EIF4G3: variants seen among roughly 807,000 people sequenced by gnomAD.
EIF4G3 encodes the protein eukaryotic translation initiation factor 4 gamma 3.
A neutral mutation model predicts 186.4 loss-of-function variants in EIF4G3; 34 were observed. That is an observed-to-expected ratio of 0.18 (90% CI 0.14 to 0.24). The LOEUF (loss-of-function observed/expected upper bound fraction) is 0.24, where lower values mean the gene tolerates loss of function less well. Among genes scored for constraint, EIF4G3 ranks in the 10% least tolerant of loss-of-function variants. The pLI is 1.00. For missense variants in EIF4G3, 1,536 were observed against 1,948.5 expected, an observed-to-expected ratio of 0.79 and a Z score of 3.99; for synonymous variants, 673 against 679.5, an observed-to-expected ratio of 0.99 and a Z score of 0.15.
At chr1:21,016,174 T>C (rs1452467627) in intron 4 of EIF4G3, among the ~76,000 whole-genome samples, 1 of 152,148 alleles carries the variant, frequency 6.6e-6, no homozygotes, top group Non-Finnish European at 1.5e-5. Context: ...TGAAAAGAAG[T>C]ACGGTTTTTG....
chr1:21,121,787 A>C (rs1445093913), intron 2 of EIF4G3, among the ~76,000 whole-genome samples: 2 of 152,042 alleles, frequency 1.3e-5, no homozygotes, highest in African/African-American at 4.8e-5. Flanking sequence ...AAAAAAAAAA[A>C]AAACTAATCC....
At chr1:20,928,006 C>T (rs148572064) in intron 14 of EIF4G3, among the ~76,000 whole-genome samples, 2 of 152,196 alleles carry the variant, frequency 1.3e-5, no homozygotes, top group African/African-American at 4.8e-5. Flanking sequence ...TACAAGCACA[C>T]ACCACCATGC....
rs1402559732 is a variant in EIF4G3, at chr1:21,089,145, T to C, written c.-203A>G. The C allele has an allele frequency of 7.0e-6, 5 of 717,236 alleles. No individual in the cohort carries two copies. The highest frequency in any genetic ancestry group is 3.5e-5 in the African/African-American group (2 of 57,226). The allele number at this position is 717,236 out of a possible 1,614,324, so 44.4% of individuals were successfully genotyped here. On this transcript the variant is annotated 5_prime_UTR_variant, in exon 3 of 37. Coordinates refer to ENST00000602326, the MANE Select transcript of EIF4G3 (RefSeq NM_001391906.1). ...CAACCTTCAGACACTCACCGTGCTG[T>C]AGACTGCTGAGACAGCGGGAGTGAA...
chr1:20,907,246 G>C lies in EIF4G3; in HGVS notation c.1664-2275C>G, dbSNP rs538071588. Among the ~76,000 whole-genome samples, 12 of 152,176 alleles carry C rather than the reference G, an allele frequency of 7.9e-5. No individual in the cohort carries two copies. The South Asian group carries it at 2.5e-3, about 32-fold the overall frequency. ...CATGACAGGACAAGCGACAGTCTCT[G>C]CATAGGATTCATAATTACCTGGACT... On this transcript the variant is annotated intron_variant, in intron 14 of 36. Transcript: ENST00000602326.
intron 2 of EIF4G3, among the ~76,000 whole-genome samples, chr1:21,174,479 A>G (rs2098060895): frequency 6.6e-6 from 1 of 152,246 alleles, no homozygotes; most frequent in Non-Finnish European, 1.5e-5. Context: ...TTCAATTGCC[A>G]AAACAGCTCA....
At chr1:20,856,333 T>G (rs1303689468) in intron 25 of EIF4G3, among the ~76,000 whole-genome samples, 3 of 152,238 alleles carry the variant, frequency 2.0e-5, no homozygotes, top group Non-Finnish European at 4.4e-5. Flanking sequence ...TCATGTAGTA[T>G]TTTCACATTA....
In EIF4G3 at chr1:20,981,577, TA is replaced by T. The variant is rs2078066645; in HGVS notation, c.199-351del. Among the ~76,000 whole-genome samples the T allele has an allele frequency of 5.0e-5, 7 of 139,580 alleles. No homozygotes were observed. In the South Asian group the frequency reaches 1.6e-3, roughly 32 times the overall value. 91.6% of individuals were successfully genotyped at this position (139,580 alleles called of 152,430 possible). On this transcript the variant is annotated intron_variant, in intron 8 of 36. Transcript: ENST00000602326. ...ATACATACATACATGTATACGCACA[TA>T]CTGTATGTATACATACATGTATACG...
intron 10 of EIF4G3, among the ~76,000 whole-genome samples, chr1:20,975,640 T>C (rs1399567432): frequency 6.7e-6 from 1 of 149,392 alleles, no homozygotes; most frequent in African/African-American, 2.4e-5. Context: ...TATAAATATA[T>C]AATATTTATA....
intron 2 of EIF4G3, among the ~76,000 whole-genome samples, chr1:21,163,290 A>C (rs965883225): frequency 6.6e-6 from 1 of 152,258 alleles, no homozygotes; most frequent in East Asian, 1.9e-4. Context: ...GCTAAGGTCA[A>C]GTGCTCTGTA....
chr1:20,985,331 T>A (rs1467148956), intron 7 of EIF4G3, among the ~76,000 whole-genome samples: 4 of 152,182 alleles, frequency 2.6e-5, no homozygotes, highest in Non-Finnish European at 5.9e-5. Flanking sequence ...CTTGTTCATA[T>A]GCTAAAAGCG....
chr1:20,897,413 A>G (rs965400335), intron 16 of EIF4G3, among the ~76,000 whole-genome samples: 4 of 131,892 alleles, frequency 3.0e-5, no homozygotes, highest in Non-Finnish European at 4.9e-5. Context: ...TATTTTAGAG[A>G]AAAAAAAAAA....
At chr1:21,027,623 C>G (rs1376767018) in intron 4 of EIF4G3, among the ~76,000 whole-genome samples, 4 of 151,650 alleles carry the variant, frequency 2.6e-5, no homozygotes, top group African/African-American at 7.3e-5. Flanking sequence ...CAGCAAGACT[C>G]CATCTCAAAA....
chr1:20,876,953 C>G (rs186297304), intron 20 of EIF4G3, among the ~76,000 whole-genome samples: 1 of 152,278 alleles, frequency 6.6e-6, no homozygotes, highest in African/African-American at 2.4e-5. Context: ...GGACTCCAGC[C>G]TGGGCAACAG....
Position 20,810,938 on chromosome 1 carries a change from T to C in EIF4G3, c.4598-54A>G. The C allele has an allele frequency of 6.5e-7, 1 of 1,528,690 alleles. No homozygotes were observed. Among genetic ancestry groups the C allele is most frequent in the Non-Finnish European group, 8.9e-7 (1 of 1,124,594 alleles). 94.7% of individuals were successfully genotyped at this position (1,528,690 alleles called of 1,614,324 possible). ...CATTTAAGGAGTTAACATAGAATTA[T>C]CTTTAATTTTCTTTCTTTTTTCTTT... On this transcript the variant is annotated intron_variant, in intron 35 of 36. Coordinates refer to ENST00000602326, the MANE Select transcript of EIF4G3 (RefSeq NM_001391906.1). The surrounding 1 kb of genome is among the most constrained non-coding windows in gnomAD (Gnocchi z 4.1).
At chr1:21,045,541 T>C (rs2093832540) in intron 4 of EIF4G3, among the ~76,000 whole-genome samples, 1 of 152,206 alleles carries the variant, frequency 6.6e-6, no homozygotes, top group Non-Finnish European at 1.5e-5. Context: ...TGGCATCATT[T>C]TGAGCATGTC....
At chr1:20,809,431 A>C (rs1039231651) in intron 36 of EIF4G3, among the ~76,000 whole-genome samples, 2 of 152,230 alleles carry the variant, frequency 1.3e-5, no homozygotes, top group African/African-American at 4.8e-5. Flanking sequence ...GAACTACTTG[A>C]GTGCTCTCTC....
intron 19 of EIF4G3, among the ~76,000 whole-genome samples, chr1:20,881,272 C>T (rs896023765): frequency 2.0e-5 from 3 of 152,152 alleles, no homozygotes; most frequent in African/African-American, 7.2e-5. Context: ...TGGACATCCA[C>T]AAGAAAGGGG....
chr1:21,110,546 C>T (rs1378848881), intron 2 of EIF4G3, among the ~76,000 whole-genome samples: 2 of 152,122 alleles, frequency 1.3e-5, no homozygotes, highest in Non-Finnish European at 2.9e-5. Flanking sequence ...TCGCCCACCT[C>T]GGCCTTCCAA....
intron 14 of EIF4G3, among the ~76,000 whole-genome samples, chr1:20,913,966 C>T (rs2093579952): frequency 6.6e-6 from 1 of 151,958 alleles, no homozygotes; most frequent in Non-Finnish European, 1.5e-5. Context: ...GCCGCCACGC[C>T]TGGATAATTT....
Sources: gnomAD v4.1 joint callset for allele counts (sites outside exome capture counted in the v4.1 genomes callset) on GRCh38, gnomAD v4.1.1 for gene constraint, Gnocchi (gnomAD v3.1) non-coding constraint, MANE v1.5 for transcripts, NCBI Gene and HGNC (gene_info 2026-07-23, HGNC 2026-07-21) for gene names.